Variants in GRIK3 observed in about 807,000 individuals in gnomAD.
The protein encoded by GRIK3 is glutamate receptor ionotropic, kainate 3.
GRIK3 carries 29 observed loss-of-function variants against 102.5 expected under a neutral mutation model. That is an observed-to-expected ratio of 0.28 (90% confidence interval 0.21 to 0.39). GRIK3 has a LOEUF of 0.39. GRIK3 is among the 10% of genes least tolerant of loss of function. The pLI, the probability that GRIK3 is intolerant of heterozygous loss-of-function variation, is 1.00. For synonymous variants in GRIK3, 511 were observed against 504.9 expected (o/e 1.01, Z -0.16); for missense variants, 908 against 1,252.4 (o/e 0.73, Z 4.15).
chr1:36,811,093 T>C (rs1284414751), intron 13 of GRIK3, among the ~76,000 whole-genome samples: 1 of 152,250 alleles, frequency 6.6e-6, no homozygotes, highest in Non-Finnish European at 1.5e-5. Flanking sequence ...GAGTACGTGC[T>C]ACTTAGGGTT....
At chr1:36,849,352 G>A (rs1187053352) in intron 9 of GRIK3, among the ~76,000 whole-genome samples, 1 of 152,182 alleles carries the variant, frequency 6.6e-6, no homozygotes, top group Non-Finnish European at 1.5e-5. Context: ...CCTGGGTTCT[G>A]CTCCAAGGCA....
chr1:36,854,550 G>A (rs567438225), intron 7 of GRIK3, among the ~76,000 whole-genome samples: 13 of 152,270 alleles, frequency 8.5e-5, no homozygotes, highest in Admixed American at 5.2e-4. Flanking sequence ...TATGGCTAGC[G>A]GGTCAACCTG....
chr1:36,971,123 C>G (rs1470582178), intron 1 of GRIK3, among the ~76,000 whole-genome samples: 1 of 152,202 alleles, frequency 6.6e-6, no homozygotes, highest in Non-Finnish European at 1.5e-5. Context: ...GTGGCCCTTC[C>G]CTTGGAGAAC....
intron 1 of GRIK3, among the ~76,000 whole-genome samples, chr1:36,981,552 G>A (rs944851801): frequency 7.2e-5 from 11 of 152,248 alleles, no homozygotes; most frequent in African/African-American, 2.6e-4. Flanking sequence ...ACTGAGTCCT[G>A]GAGAGAAGAA....
intron 13 of GRIK3, among the ~76,000 whole-genome samples, chr1:36,815,788 C>A (rs1240764235): frequency 6.6e-6 from 1 of 151,306 alleles, no homozygotes; most frequent in Non-Finnish European, 1.5e-5. Context: ...GAGATGGAGT[C>A]TCACTCTGTC....
intron 1 of GRIK3, among the ~76,000 whole-genome samples, chr1:37,031,502 A>T (rs1642827869): frequency 6.6e-6 from 1 of 152,216 alleles, no homozygotes; most frequent in Non-Finnish European, 1.5e-5. Context: ...GGGGGTGGGT[A>T]CGATGCTCCT....
At chr1:36,935,346 T>G (rs1053666927) in intron 1 of GRIK3, among the ~76,000 whole-genome samples, 1 of 152,332 alleles carries the variant, frequency 6.6e-6, no homozygotes, top group Non-Finnish European at 1.5e-5. Flanking sequence ...TATACCCAGG[T>G]AGAAGGTCAC....
chr1:36,817,183 G>C lies in GRIK3; in HGVS notation c.1968C>G (p.Asn656Lys), dbSNP rs1339025112. ...GCTCCACGGTCAGAAAGGCAGCCAG[G>C]TTGGCCGTGTAGGAAGAGATGATGA... ...TLIIISSYTANLAAFLTVERM... is the reference protein window; with the variant it reads ...TLIIISSYTAKLAAFLTVERM... Residue 656 changes from asparagine to lysine, a missense_variant, in exon 13 of 16, where the codon AAC becomes AAG. By Grantham distance (94) the Asn-to-Lys change is moderately conservative. Coordinates refer to ENST00000373091, the MANE Select transcript of GRIK3 (RefSeq NM_000831.4). The C allele has an allele frequency of 6.2e-7, 1 of 1,613,904 alleles. No individual in the cohort carries two copies. The highest frequency in any genetic ancestry group is 8.5e-7 in the Non-Finnish European group (1 of 1,179,806).
chr1:36,997,391 A>T (rs1216640004), intron 1 of GRIK3, among the ~76,000 whole-genome samples: 2 of 152,244 alleles, frequency 1.3e-5, no homozygotes, highest in Non-Finnish European at 2.9e-5. Flanking sequence ...ATTAGAAAAC[A>T]TTTTTAAGGC....
chr1:36,947,686 A>G (rs1244266671), intron 1 of GRIK3, among the ~76,000 whole-genome samples: 1 of 150,860 alleles, frequency 6.6e-6, no homozygotes, highest in Non-Finnish European at 1.5e-5. Flanking sequence ...CCCCTCCTTT[A>G]TTTTTCTTCA....
chr1:36,878,814 T>C (rs1415322454), intron 3 of GRIK3, among the ~76,000 whole-genome samples: 1 of 152,220 alleles, frequency 6.6e-6, no homozygotes, highest in Admixed American at 6.5e-5. Context: ...TTCTAATTCA[T>C]CGCTCCAGGG....
At chr1:36,856,168 C>T (rs554112739) in intron 7 of GRIK3, among the ~76,000 whole-genome samples, 2 of 152,370 alleles carry the variant, frequency 1.3e-5, no homozygotes, top group South Asian at 4.1e-4. Flanking sequence ...CCAGTCCCTC[C>T]GCCTTCTCTC....
intron 1 of GRIK3, among the ~76,000 whole-genome samples, chr1:36,992,411 A>G (rs1173617100): frequency 6.6e-6 from 1 of 152,172 alleles, no homozygotes. Context: ...AATGACTGGA[A>G]GCAGAAGAGG....
chr1:36,851,754 T>TA (rs1311370178), intron 8 of GRIK3, among the ~76,000 whole-genome samples: 4 of 152,218 alleles, frequency 2.6e-5, no homozygotes, highest in Middle Eastern at 3.2e-3. Context: ...CCAGGGATAA[T>TA]AGAGTTTTTC....
chr1:36,805,700 G>A (rs1642490982), intron 14 of GRIK3, among the ~76,000 whole-genome samples: 1 of 152,150 alleles, frequency 6.6e-6, no homozygotes, highest in Non-Finnish European at 1.5e-5. Context: ...ACTTTGGGAG[G>A]CTGAGGTGGG....
chr1:36,837,727 C>T (rs1640397376), intron 10 of GRIK3, among the ~76,000 whole-genome samples: 1 of 152,194 alleles, frequency 6.6e-6, no homozygotes, highest in South Asian at 2.1e-4. Context: ...CAGCAGCTCT[C>T]CTCTTGGCTC....
At chr1:36,854,403 A>G (rs975103823) in intron 7 of GRIK3, among the ~76,000 whole-genome samples, 10 of 152,216 alleles carry the variant, frequency 6.6e-5, no homozygotes, top group African/African-American at 2.2e-4. Context: ...CACAAGATGA[A>G]CACTGGATAA....
chr1:36,948,385 T>C (rs897892194), intron 1 of GRIK3, among the ~76,000 whole-genome samples: 6 of 152,176 alleles, frequency 3.9e-5, no homozygotes, highest in African/African-American at 1.4e-4. Context: ...CTGATCTGAG[T>C]TGGCTGAAGC....
chr1:36,928,468 G>C (rs558679521), intron 1 of GRIK3, among the ~76,000 whole-genome samples: 1 of 152,330 alleles, frequency 6.6e-6, no homozygotes, highest in South Asian at 2.1e-4. Flanking sequence ...TTTGGGGTGG[G>C]GGTGGAAATT....
Sources: allele counts gnomAD v4.1 joint callset (sites outside exome capture counted in the v4.1 genomes callset), GRCh38; gene constraint gnomAD v4.1.1; transcripts MANE v1.5; gene names NCBI Gene and HGNC (gene_info 2026-07-23, HGNC 2026-07-21).